PCDHA10: variants seen among roughly 807,000 people sequenced by gnomAD.
PCDHA10 encodes protocadherin alpha 10.
Under a neutral mutation model 61.2 loss-of-function variants are expected in PCDHA10, and 45 were observed. The observed-to-expected ratio is 0.74, with a 90% CI of 0.58 to 0.94. The LOEUF is 0.94. PCDHA10 is among the 40% of genes least tolerant of loss of function. The pLI, the probability that PCDHA10 is intolerant of heterozygous loss-of-function variation, is 0.00. For missense variants in PCDHA10, 1,278 were observed against 1,236.2 expected (o/e 1.03, Z -0.51); for synonymous variants, 602 against 548.8 (o/e 1.10, Z -1.35).
intron 1 of PCDHA10, chr5:140,967,981 G>C: frequency 6.2e-7 from 1 of 1,614,202 alleles, no homozygotes; most frequent in Non-Finnish European, 8.5e-7. Flanking sequence ...TGGGTCTGGA[G>C]GCCACACTGC....
chr5:140,877,702 G>T, intron 1 of PCDHA10: 2 of 1,613,996 alleles, frequency 1.2e-6, no homozygotes, highest in Admixed American at 3.3e-5. Context: ...GTGCTCCAGC[G>T]CCGTGGGGAG....
chr5:140,958,637 A>G (rs2095435071), intron 1 of PCDHA10, among the ~76,000 whole-genome samples: 1 of 152,192 alleles, frequency 6.6e-6, no homozygotes. Flanking sequence ...TACTGCAGAA[A>G]ACCAATCACA....
chr5:140,965,855 T>G (rs961780781), intron 1 of PCDHA10, among the ~76,000 whole-genome samples: 1 of 152,226 alleles, frequency 6.6e-6, no homozygotes, highest in African/African-American at 2.4e-5. Context: ...AGGCACACAC[T>G]GAAAATAAGG....
rs1272799738 is a variant in PCDHA10 at position 140,969,033 on chromosome 5, T to C, written c.2389-9916T>C. On this transcript the variant is annotated intron_variant, in intron 1 of 3. Coordinates refer to ENST00000307360, the MANE Select transcript of PCDHA10 (RefSeq NM_018901.4). ...GTAAGGGAAAGGTCCCCTGCAGAAC[T>C]GTACAAACAAGCCAACAACAATATT... 5 of 1,614,028 alleles carry C rather than the reference T, an allele frequency of 3.1e-6. No individual in the cohort carries two copies. Among genetic ancestry groups the C allele is most frequent in the Admixed American group, 3.3e-5 (2 of 60,006 alleles).
intron 1 of PCDHA10, among the ~76,000 whole-genome samples, chr5:140,897,618 T>C: frequency 6.6e-6 from 1 of 152,172 alleles, no homozygotes; most frequent in Non-Finnish European, 1.5e-5. Flanking sequence ...TTCCAAGTCT[T>C]TACTATTGTG....
chr5:140,961,776 A>G (rs1554225585), intron 1 of PCDHA10, among the ~76,000 whole-genome samples: 1 of 152,188 alleles, frequency 6.6e-6, no homozygotes, highest in African/African-American at 2.4e-5. Flanking sequence ...ATCAAGCTTA[A>G]TGGCACTTTT....
In PCDHA10 at chr5:140,857,002, T is replaced by G. The variant is rs1215860604; in HGVS notation, c.954T>G (p.His318Gln). The change falls in exon 1 of 4, where the codon CAT becomes CAG. Residue 318 changes from histidine to glutamine, a missense_variant. By Grantham distance (24) the His-to-Gln change is conservative. Transcript: ENST00000307360. ...DFEDSNTYEI[H>Q]VDVTDKGNPP... ...AGGACAGTAACACTTATGAAATTCATGTAGATGTTACAGATAAGGGAAACC... is the reference window on the plus strand; with the variant it reads ...AGGACAGTAACACTTATGAAATTCAGGTAGATGTTACAGATAAGGGAAACC... 4 of 1,595,276 alleles carry G rather than the reference T, an allele frequency of 2.5e-6. No individual in the cohort carries two copies. In the African/African-American group the frequency reaches 5.4e-5, roughly 22 times the overall value.
chr5:140,918,833 G>A (rs2078883719), intron 1 of PCDHA10, among the ~76,000 whole-genome samples: 1 of 152,084 alleles, frequency 6.6e-6, no homozygotes, highest in African/African-American at 2.4e-5. Context: ...CCCCTCCCCA[G>A]ACACTAAATC....
At chr5:140,916,613 A>T (rs2077649645) in intron 1 of PCDHA10, among the ~76,000 whole-genome samples, 1 of 151,990 alleles carries the variant, frequency 6.6e-6, no homozygotes, top group Non-Finnish European at 1.5e-5. Flanking sequence ...GGGCCTCATG[A>T]CTCTACTCAA....
chr5:140,869,178 G>T (rs200717410), intron 1 of PCDHA10: 1 of 1,613,988 alleles, frequency 6.2e-7, no homozygotes, highest in East Asian at 2.2e-5. Flanking sequence ...AATTCTGGGA[G>T]GTGGGGAGCG....
chr5:140,900,543 C>T (rs889758586), intron 1 of PCDHA10, among the ~76,000 whole-genome samples: 2 of 152,210 alleles, frequency 1.3e-5, no homozygotes, highest in African/African-American at 4.8e-5. Context: ...TTCCAAAGTG[C>T]TGGGATTACA....
At chr5:140,926,178 G>GC (rs1221259064) in intron 1 of PCDHA10, among the ~76,000 whole-genome samples, 2 of 151,700 alleles carry the variant, frequency 1.3e-5, no homozygotes, top group Non-Finnish European at 2.9e-5. Flanking sequence ...AGCGCGGAAA[G>GC]CCCCCCGCAG....
At chr5:140,940,667 T>A (rs1167360120) in intron 1 of PCDHA10, among the ~76,000 whole-genome samples, 5 of 152,224 alleles carry the variant, frequency 3.3e-5, no homozygotes, top group African/African-American at 1.2e-4. Context: ...TAAATCTTCA[T>A]CTGATAATTC....
At chr5:140,929,014 C>T (rs1554206582) in intron 1 of PCDHA10, 5 of 1,614,110 alleles carry the variant, frequency 3.1e-6, no homozygotes, top group Non-Finnish European at 4.2e-6. Flanking sequence ...TACCAAGTTG[C>T]ACCAGAGCCC....
rs555659207 is a variant in PCDHA10, at chr5:140,967,475, C to A, written c.2389-11474C>A. 2.5e-6 allele frequency: 4 copies of A among 1,613,342 alleles called. No homozygotes were observed. In the East Asian group the frequency reaches 8.9e-5, roughly 36 times the overall value. On this transcript the variant is annotated intron_variant, in intron 1 of 3. Coordinates refer to ENST00000307360, the MANE Select transcript of PCDHA10 (RefSeq NM_018901.4). ...AGCCGTGGATGGGGGCATCCCAGCC[C>A]GCTCGGGTACGGCACAGATCTCTGT...
At chr5:140,883,126 G>T (rs781992873) in intron 1 of PCDHA10, 1 of 1,614,036 alleles carries the variant, frequency 6.2e-7, no homozygotes, top group Non-Finnish European at 8.5e-7. Context: ...GGCCTGTATG[G>T]CCTGCAGTGG....
chr5:140,971,970 A>C (rs2096510217), intron 1 of PCDHA10, among the ~76,000 whole-genome samples: 1 of 152,130 alleles, frequency 6.6e-6, no homozygotes, highest in Non-Finnish European at 1.5e-5. Flanking sequence ...TTTTTTCAAT[A>C]CTATGAGTAG....
intron 1 of PCDHA10, chr5:140,863,386 T>C (rs1554158163): frequency 9.7e-7 from 1 of 1,032,576 alleles, no homozygotes; most frequent in South Asian, 1.2e-5. Flanking sequence ...CGAGAGCTCG[T>C]GCATGCCGGG....
At chr5:140,962,585 T>C (rs2095694248) in intron 1 of PCDHA10, among the ~76,000 whole-genome samples, 1 of 152,216 alleles carries the variant, frequency 6.6e-6, no homozygotes, top group South Asian at 2.1e-4. Flanking sequence ...ATGCCAAATA[T>C]TTGACTGATA....
Sources: gnomAD v4.1 joint callset for allele counts (sites outside exome capture counted in the v4.1 genomes callset) on GRCh38, gnomAD v4.1.1 for gene constraint, MANE v1.5 for transcripts, NCBI Gene and HGNC (gene_info 2026-07-23, HGNC 2026-07-21) for gene names.